The following DSC2 variants were observed in gnomAD, a reference collection of about 807,000 sequenced individuals.
DSC2 encodes the protein desmocollin-2.
Under a neutral mutation model 87.6 loss-of-function variants are expected in DSC2, and 51 were observed. The observed-to-expected ratio is 0.58, with a 90% CI of 0.46 to 0.74. The LOEUF is 0.74. DSC2 is among the 30% of genes least tolerant of loss of function. The pLI, the probability that DSC2 is intolerant of heterozygous loss-of-function variation, is 0.00. For synonymous variants in DSC2, 383 were observed against 393.2 expected (o/e 0.97, Z 0.31); for missense variants, 1,066 against 1,089.5 (o/e 0.98, Z 0.30).
At position 31,083,074 on chromosome 18, in the gene DSC2, A is replaced by G; in HGVS notation, c.943-14T>C. On this transcript the variant is annotated splice_polypyrimidine_tract_variant and intron_variant, in intron 7 of 15. Transcript: ENST00000280904. ...CTTGTCAATTAACTGAAAACAAAAA[A>G]AGAATTTAATTATTGGGGGAAAGCA... 1 of 1,607,792 alleles carries G rather than the reference A, an allele frequency of 6.2e-7. No individual in the cohort carries two copies. Among genetic ancestry groups the G allele is most frequent in the South Asian group, 1.1e-5 (1 of 90,490 alleles).
chr18:31,078,856 AATT>A (rs1987106924), intron 11 of DSC2, among the ~76,000 whole-genome samples: 1 of 152,154 alleles, frequency 6.6e-6, no homozygotes, highest in Non-Finnish European at 1.5e-5. Context: ...ATGTTATAGA[AATT>A]ATATTTTATG....
chr18:31,101,124 G>A (rs1326381968), intron 1 of DSC2: 6 of 947,858 alleles, frequency 6.3e-6, no homozygotes, highest in Non-Finnish European at 7.5e-6. Context: ...AGTCGCCTCT[G>A]GGGACAAGAA....
At chr18:31,074,990 T>G in intron 11 of DSC2, 83 bp from the exon 12 acceptor site, 1 of 1,364,748 alleles carries the variant, frequency 7.3e-7, no homozygotes, top group Non-Finnish European at 1.0e-6. Flanking sequence ...TGAAAAATAT[T>G]TATTAAGCAC....
intron 12 of DSC2, among the ~76,000 whole-genome samples, chr18:31,073,323 AT>A (rs1986892506): frequency 6.6e-6 from 1 of 151,656 alleles, no homozygotes; most frequent in Non-Finnish European, 1.5e-5. Flanking sequence ...AATAAAGTTA[AT>A]TCTTCCTCCC....
intron 1 of DSC2, among the ~76,000 whole-genome samples, chr18:31,096,072 C>A (rs1053346856): frequency 6.6e-6 from 1 of 151,932 alleles, no homozygotes; most frequent in Non-Finnish European, 1.5e-5. Context: ...TTTTTCCTAA[C>A]GAGAATGAGA....
At position 31,082,456 on chromosome 18, in the gene DSC2, T is replaced by C. The variant is rs746655908; in HGVS notation, c.1078-33A>G. 5.0e-6 allele frequency: 8 copies of C among 1,595,056 alleles called. No individual in the cohort carries two copies. The East Asian group carries it at 1.8e-4, about 36-fold the overall frequency. On this transcript the variant is annotated intron_variant, in intron 8 of 15. Transcript: ENST00000280904. ...AATAAAAGCAAACAAAAAATTTCGT[T>C]AGTAACTCTCACAAAAATTGAACAC...
chr18:31,086,784 T>A, intron 6 of DSC2, 42 bp from the exon 7 acceptor site: 1 of 1,586,880 alleles, frequency 6.3e-7, no homozygotes, highest in Admixed American at 1.8e-5. Context: ...AACATTCACA[T>A]GTTCTATGTT....
chr18:31,098,792 A>G (rs1035310376), intron 1 of DSC2, among the ~76,000 whole-genome samples: 10 of 152,186 alleles, frequency 6.6e-5, no homozygotes, highest in Non-Finnish European at 1.3e-4. Flanking sequence ...CATTATTGGT[A>G]ATCTGTCCTA....
At chr18:31,084,765 G>C (rs1394553301) in intron 7 of DSC2, among the ~76,000 whole-genome samples, 1 of 151,320 alleles carries the variant, frequency 6.6e-6, no homozygotes, top group Non-Finnish European at 1.5e-5. Context: ...AAGTTAATCT[G>C]TCACTTCAGG....
Position 31,065,625 on chromosome 18 carries a change from TA to T in DSC2, c.*2389del, listed in dbSNP as rs1245666708. ...CATGACCTCCCAGGCAAGTGACTGCTAATGTCTAGCTGGACAGCTAGGGAAG... is the reference window on the plus strand; with the variant it reads ...CATGACCTCCCAGGCAAGTGACTGCTATGTCTAGCTGGACAGCTAGGGAAG... On this transcript the variant is annotated 3_prime_UTR_variant, in exon 16 of 16. Transcript: ENST00000280904. 115 of 152,294 alleles carry T rather than the reference TA, an allele frequency of 7.6e-4. No individual in the cohort carries two copies. Among genetic ancestry groups the T allele is most frequent in the African/African-American group, 2.4e-3 (101 of 41,558 alleles). The allele number at this position is 152,294 out of a possible 1,614,324, so 9.4% of individuals were successfully genotyped here.
intron 9 of DSC2, 26 bp from the exon 10 acceptor site, chr18:31,080,378 T>C: frequency 6.2e-7 from 1 of 1,611,942 alleles, no homozygotes. Context: ...TATTGAAAAA[T>C]CAGATGAACT....
chr18:31,073,122 T>C (rs1203492241), intron 12 of DSC2, among the ~76,000 whole-genome samples: 1 of 152,088 alleles, frequency 6.6e-6, no homozygotes, highest in Non-Finnish European at 1.5e-5. Context: ...ACTTGGGTGT[T>C]TCCCAAGCTT....
rs1406557934 is a variant in DSC2, at chr18:31,063,133, C to T, written c.*4882G>A. 2 of 151,976 alleles carry T rather than the reference C, an allele frequency of 1.3e-5. No individual in the cohort carries two copies. The highest frequency in any genetic ancestry group is 2.4e-5 in the African/African-American group (1 of 41,354). The allele number at this position is 151,976 out of a possible 1,614,324, so 9.4% of individuals were successfully genotyped here. A position where few individuals can be genotyped will look rare whatever the true frequency, so the allele number is the denominator to read the frequency against. On this transcript the variant is annotated 3_prime_UTR_variant, in exon 16 of 16. Coordinates refer to ENST00000280904, the MANE Select transcript of DSC2 (RefSeq NM_024422.6). Reference sequence around the variant, plus strand: ...ATCACTTGAGGTCAGGAGTTCAAGACCAGCCTGGCCAACATGGTGAAACCC... The same window carrying T: ...ATCACTTGAGGTCAGGAGTTCAAGATCAGCCTGGCCAACATGGTGAAACCC...
Position 31,075,239 on chromosome 18 carries a change from G to A in DSC2, c.1664-332C>T, listed in dbSNP as rs1986976403. On this transcript the variant is annotated intron_variant, in intron 11 of 15. Transcript: ENST00000280904. Reference sequence around the variant, plus strand: ...TTAAAAGCACAAGGAAATTCAAGGAGATGGAAACGCACGTTATACACACCC... The same window carrying A: ...TTAAAAGCACAAGGAAATTCAAGGAAATGGAAACGCACGTTATACACACCC... Among the ~76,000 whole-genome samples the A allele has an allele frequency of 2.0e-5, 3 of 152,166 alleles. No individual in the cohort carries two copies. In the South Asian group the frequency reaches 6.2e-4, roughly 32 times the overall value.
At chr18:31,087,315 A>ATTCTTTTTGGGC (rs1174341964) in intron 6 of DSC2, among the ~76,000 whole-genome samples, 1 of 152,196 alleles carries the variant, frequency 6.6e-6, no homozygotes, top group African/African-American at 2.4e-5. Context: ...TGAAAGACTT[A>ATTCTTTTTGGGC]TTCTTTTTGG....
intron 1 of DSC2, among the ~76,000 whole-genome samples, chr18:31,093,921 T>C (rs1373987215): frequency 1.3e-5 from 2 of 151,282 alleles, no homozygotes; most frequent in African/African-American, 4.8e-5. Flanking sequence ...TAAAAACATA[T>C]TGGAGAAAGA....
intron 9 of DSC2, 93 bp downstream of exon 9, chr18:31,082,145 C>T: frequency 8.2e-7 from 1 of 1,221,980 alleles, no homozygotes; most frequent in Non-Finnish European, 1.2e-6. Flanking sequence ...CTATTTTATT[C>T]TACATTTATC....
rs1223009380 is a variant in DSC2 at position 31,092,317 on chromosome 18, C to T, written c.155-17G>A. The T allele has an allele frequency of 4.4e-6, 7 of 1,604,022 alleles. No homozygotes were observed. The highest frequency in any genetic ancestry group is 6.0e-6 in the Non-Finnish European group (7 of 1,171,222). On this transcript the variant is annotated splice_polypyrimidine_tract_variant and intron_variant, in intron 2 of 15. Coordinates refer to ENST00000280904, the MANE Select transcript of DSC2 (RefSeq NM_024422.6). Reference sequence around the variant, plus strand: ...TCAGGTTAACTGTAGAAAATATGCACAGCAATCATTTTTAAAGTAAAACAT... The same window carrying T: ...TCAGGTTAACTGTAGAAAATATGCATAGCAATCATTTTTAAAGTAAAACAT...
rs1231247825 is a variant in DSC2 at position 31,068,079 on chromosome 18, A to T, written c.2642T>A (p.Leu881His). 1.2e-6 allele frequency: 2 copies of T among 1,613,928 alleles called. No individual in the cohort carries two copies. Among genetic ancestry groups the T allele is most frequent in the African/African-American group, 1.3e-5 (1 of 74,910 alleles). Residue 881 changes from leucine to histidine, a missense_variant, in exon 16 of 16, where the codon CTT (leucine) becomes CAT (histidine). Physicochemically the swap from Leu to His is moderately conservative, Grantham distance 99 (BLOSUM62 -3). Coordinates refer to ENST00000280904, the MANE Select transcript of DSC2 (RefSeq NM_024422.6). The stretch of plus-strand genomic sequence containing the variant: ...GGGCTCCAAATTATCCAAAAATTCA[A>T]GCCCATCTTCTTCTTGTCGTTCACT... ...CCSERQEEDG[L>H]EFLDNLEPKF...
Sources: allele counts gnomAD v4.1 joint callset (sites outside exome capture counted in the v4.1 genomes callset), GRCh38; gene constraint gnomAD v4.1.1; transcripts MANE v1.5; gene names NCBI Gene and HGNC (gene_info 2026-07-23, HGNC 2026-07-21).